Variants in ADGRV1 observed in about 807,000 individuals in gnomAD.
ADGRV1 encodes the protein G-protein coupled receptor 98.
ADGRV1 carries 359 observed loss-of-function variants against 596.2 expected under a neutral mutation model. That is an observed-to-expected ratio of 0.60 (90% CI 0.55 to 0.66). The LOEUF (loss-of-function observed/expected upper bound fraction) is 0.66, where lower values mean the gene tolerates loss of function less well. Among genes scored for constraint, ADGRV1 ranks in the 30% least tolerant of loss-of-function variants. The pLI is 0.00. For synonymous variants in ADGRV1, 2,681 were observed against 2,679.2 expected (o/e 1.00, Z -0.02); for missense variants, 7,274 against 7,575.6 (o/e 0.96, Z 1.48).
rs1744900602 is a variant in ADGRV1 at position 90,681,302 on chromosome 5, C to T, written c.5525-13C>T. 1 of 1,607,022 alleles carries T rather than the reference C, an allele frequency of 6.2e-7. No homozygotes were observed. Among genetic ancestry groups the T allele is most frequent in the Admixed American group, 1.7e-5 (1 of 58,916 alleles). On this transcript the variant is annotated splice_polypyrimidine_tract_variant and intron_variant, in intron 26 of 89. Transcript: ENST00000405460. ...CATTTTTTTTTTCTATTTGTTGGAACTTGTTCATGCAGCCAGTCTAGGAGT... is the reference window on the plus strand; with the variant it reads ...CATTTTTTTTTTCTATTTGTTGGAATTTGTTCATGCAGCCAGTCTAGGAGT...
At position 90,704,360 on chromosome 5, in the gene ADGRV1, C is replaced by T. The variant is rs79224314; in HGVS notation, c.8287-29C>T. The T allele has an allele frequency of 9.5e-5, 126 of 1,319,800 alleles. 1 individual carries two copies. In the African/African-American group the frequency reaches 1.0e-3, roughly 11 times the overall value. 81.8% of individuals were successfully genotyped at this position (1,319,800 alleles called of 1,614,324 possible). On this transcript the variant is annotated intron_variant, in intron 35 of 89. Transcript: ENST00000405460. ...GATAGTTCATATTCAATAACGACAGCGGGATTGATTTCTTTCTGTATGACA... is the reference window on the plus strand; with the variant it reads ...GATAGTTCATATTCAATAACGACAGTGGGATTGATTTCTTTCTGTATGACA...
chr5:90,705,484 G>T lies in ADGRV1; in HGVS notation c.8471G>T (p.Gly2824Val), dbSNP rs975296721. Residue 2824 changes from glycine to valine, a missense_variant, in exon 37 of 90, where the codon GGA (glycine) becomes GTA (valine). Coordinates refer to ENST00000405460, the MANE Select transcript of ADGRV1 (RefSeq NM_032119.4). ...GTAGAAGCCAGTGATGAACCACATG[G>T]AGTTTTAAATTTTGCTCTTTCATCA... is the stretch of plus-strand genomic sequence containing the variant. The part of the protein sequence containing the change: ...LTVEASDEPH[G>V]VLNFALSSRF... The T allele has an allele frequency of 6.2e-7, 1 of 1,613,864 alleles. No homozygotes were observed. Among genetic ancestry groups the T allele is most frequent in the Non-Finnish European group, 8.5e-7 (1 of 1,179,802 alleles).
chr5:91,060,547 T>C (rs912568703), intron 85 of ADGRV1, among the ~76,000 whole-genome samples: 2 of 152,092 alleles, frequency 1.3e-5, no homozygotes, highest in Non-Finnish European at 2.9e-5. Context: ...TCTTAATAAT[T>C]GAAAGTTACC....
chr5:90,802,941 A>C (rs1256428995), intron 71 of ADGRV1, 59 bp downstream of exon 71: 1 of 1,439,048 alleles, frequency 6.9e-7, no homozygotes, highest in African/African-American at 1.4e-5. Context: ...TTTTACAGGA[A>C]GGACGGAGAC....
chr5:90,670,389 T>C (rs977871630), intron 21 of ADGRV1, among the ~76,000 whole-genome samples: 4 of 152,220 alleles, frequency 2.6e-5, no homozygotes, highest in Admixed American at 2.0e-4. Context: ...TGGCCTGAAG[T>C]ATGAAGCTAC....
At chr5:91,145,613 TATC>T (rs1795470610) in intron 87 of ADGRV1, among the ~76,000 whole-genome samples, 1 of 151,722 alleles carries the variant, frequency 6.6e-6, no homozygotes, top group Non-Finnish European at 1.5e-5. Context: ...ATTCACTTAT[TATC>T]ATACACAATT....
intron 83 of ADGRV1, among the ~76,000 whole-genome samples, chr5:90,900,270 T>C (rs1351398547): frequency 6.6e-6 from 1 of 151,888 alleles, no homozygotes; most frequent in Non-Finnish European, 1.5e-5. Flanking sequence ...AGAGATTTAA[T>C]AGTTCTCTTA....
At chr5:90,857,914 A>C (rs1767178391) in intron 82 of ADGRV1, among the ~76,000 whole-genome samples, 1 of 152,204 alleles carries the variant, frequency 6.6e-6, no homozygotes, top group Non-Finnish European at 1.5e-5. Context: ...GGCAGTATAC[A>C]ATTAGACAGG....
At chr5:90,889,346 T>G (rs530324631) in intron 83 of ADGRV1, among the ~76,000 whole-genome samples, 1 of 152,254 alleles carries the variant, frequency 6.6e-6, no homozygotes, top group African/African-American at 2.4e-5. Context: ...GGTTGATGGT[T>G]TAGTTGAATT....
chr5:90,746,785 C>T (rs555631333), intron 52 of ADGRV1, among the ~76,000 whole-genome samples: 9 of 152,208 alleles, frequency 5.9e-5, no homozygotes, highest in African/African-American at 2.2e-4. Flanking sequence ...TCTCATTGTC[C>T]AGAACTGGGT....
chr5:90,813,211 G>A (rs1459863246), intron 74 of ADGRV1, among the ~76,000 whole-genome samples: 1 of 126,498 alleles, frequency 7.9e-6, no homozygotes, highest in African/African-American at 2.8e-5. Flanking sequence ...TAGAGACACA[G>A]ATATTTTATT....
At chr5:90,971,691 C>T (rs1454477655) in intron 84 of ADGRV1, among the ~76,000 whole-genome samples, 1 of 152,108 alleles carries the variant, frequency 6.6e-6, no homozygotes, top group Non-Finnish European at 1.5e-5. Flanking sequence ...TACAAGGGGT[C>T]CTGAAGGAAG....
Position 90,894,984 on chromosome 5 carries a change from A to G in ADGRV1, c.17856+31127A>G, listed in dbSNP as rs115441945. ...TGCTCTGTCACCTAGGCCAGAGTGC[A>G]GTGGCATGATCACGGCTCATTGTAG... On this transcript the variant is annotated intron_variant, in intron 83 of 89. Coordinates refer to ENST00000405460, the MANE Select transcript of ADGRV1 (RefSeq NM_032119.4). Among the ~76,000 whole-genome samples, 714 of 151,970 alleles carry G rather than the reference A, an allele frequency of 4.7e-3. 2 individuals carry two copies. The highest frequency in any genetic ancestry group is 0.016 in the African/African-American group (672 of 41,418).
At chr5:90,903,499 T>C (rs1014557064) in intron 83 of ADGRV1, among the ~76,000 whole-genome samples, 1 of 152,088 alleles carries the variant, frequency 6.6e-6, no homozygotes, top group African/African-American at 2.4e-5. Context: ...GGATTAGTGA[T>C]ATTTTGCTTG....
At chr5:90,595,392 C>G (rs1760239942) in intron 1 of ADGRV1, among the ~76,000 whole-genome samples, 1 of 23,948 alleles carries the variant, frequency 4.2e-5, no homozygotes. Flanking sequence ...GGGGGGCTGA[C>G]CCCCCCACCT....
At chr5:90,729,078 C>A in intron 49 of ADGRV1, 145 bp downstream of exon 49, 1 of 605,160 alleles carries the variant, frequency 1.7e-6, no homozygotes, top group Non-Finnish European at 2.7e-6. Context: ...TAATTGTCAG[C>A]TGTAAATGGA....
In ADGRV1 at chr5:90,647,558, G is replaced by C. The variant is rs1767968301; in HGVS notation, c.3083G>C (p.Gly1028Ala). The change falls in exon 17 of 90, where the codon GGA (glycine) becomes GCA (alanine). Residue 1028 changes from glycine to alanine, a missense_variant. Gly to Ala is a moderately conservative substitution (Grantham distance 60). This residue lies in a region of ADGRV1 where 1,715 missense variants were observed against 1,708.8 expected (regional missense o/e 1.00). Transcript: ENST00000405460. ...GCCAACTTTACAGTTCTCAGAAATG[G>C]ATCTGTTGATGTGACTTGCATGGTC... Reference protein sequence around the residue: ...ETANFTVLRNGSVDVTCMVQY... With the variant: ...ETANFTVLRNASVDVTCMVQY... 3 of 1,613,836 alleles carry C rather than the reference G, an allele frequency of 1.9e-6. No individual in the cohort carries two copies. Among genetic ancestry groups the C allele is most frequent in the Non-Finnish European group, 2.5e-6 (3 of 1,179,768 alleles).
chr5:90,682,172 C>G (rs1428462509), intron 27 of ADGRV1, among the ~76,000 whole-genome samples: 2 of 152,098 alleles, frequency 1.3e-5, no homozygotes, highest in Non-Finnish European at 2.9e-5. Context: ...TGTATATGTC[C>G]AACTTAAGTT....
chr5:90,870,417 C>G (rs370812350), intron 83 of ADGRV1, among the ~76,000 whole-genome samples: 1 of 152,024 alleles, frequency 6.6e-6, no homozygotes, highest in Non-Finnish European at 1.5e-5. Context: ...CCAAAACTCA[C>G]GTATTTAGAG....
Sources: gnomAD v4.1 joint callset for allele counts (sites outside exome capture counted in the v4.1 genomes callset) on GRCh38, gnomAD v4.1.1 for gene constraint, gnomAD v4.1.1 regional missense constraint, MANE v1.5 for transcripts, NCBI Gene and HGNC (gene_info 2026-07-23, HGNC 2026-07-21) for gene names.